Variants in NREP observed in about 807,000 individuals in gnomAD.
NREP encodes neuronal regeneration related protein, also known as neuronal regeneration-related protein.
Under a neutral mutation model 8.6 loss-of-function variants are expected in NREP, and 5 were observed. The observed-to-expected ratio is 0.58, with a 90% CI of 0.30 to 1.22. The LOEUF is 1.22. Ranked by LOEUF, NREP falls within the 50% of genes most tolerant of loss-of-function variation. The pLI is 0.07. For synonymous variants in NREP, 27 were observed against 28.0 expected, an observed-to-expected ratio of 0.96 and a Z score of 0.11; for missense variants, 86 against 82.5, an observed-to-expected ratio of 1.04 and a Z score of -0.17.
chr5:111,953,820 G>C (rs1379390486), intron 2 of NREP, among the ~76,000 whole-genome samples: 2 of 152,074 alleles, frequency 1.3e-5, no homozygotes, highest in African/African-American at 4.8e-5. Context: ...TGAAGGACCA[G>C]TGTAGACAAA....
At chr5:111,877,847 T>C (rs533522492) in intron 2 of NREP, among the ~76,000 whole-genome samples, 1 of 152,270 alleles carries the variant, frequency 6.6e-6, no homozygotes, top group African/African-American at 2.4e-5. Flanking sequence ...GAGTTGGGTG[T>C]TCCCCCCTCA....
intron 2 of NREP, among the ~76,000 whole-genome samples, chr5:111,777,917 G>A (rs770892270): frequency 1.3e-5 from 2 of 152,088 alleles, no homozygotes; most frequent in African/African-American, 2.4e-5. Flanking sequence ...GAAATAGGTT[G>A]CTGATTGAGA....
chr5:111,939,970 CTCTT>C (rs1268116194), intron 2 of NREP: 3 of 152,078 alleles, frequency 2.0e-5, no homozygotes, highest in Non-Finnish European at 1.5e-5. Flanking sequence ...AGGAATCTGA[CTCTT>C]TATTTCCTGT....
chr5:111,955,908 A>C (rs79039933), intron 2 of NREP, among the ~76,000 whole-genome samples: 69 of 140,478 alleles, frequency 4.9e-4, no homozygotes, highest in African/African-American at 7.4e-4. Context: ...GTGAAAAAAA[A>C]AAAAACAAAA....
chr5:111,924,780 T>C, intron 2 of NREP, among the ~76,000 whole-genome samples: 1 of 152,140 alleles, frequency 6.6e-6, no homozygotes. Context: ...TAAGATGTAT[T>C]TGGACCAGTA....
intron 2 of NREP, among the ~76,000 whole-genome samples, chr5:111,750,576 A>G (rs3822667): frequency 0.19 from 29,160 of 152,168 alleles, 3,657 homozygotes; most frequent in African/African-American, 0.34. Flanking sequence ...CCTTCTTAAT[A>G]TAAGTTTTCC....
intron 2 of NREP, among the ~76,000 whole-genome samples, chr5:111,920,483 C>G (rs1161910253): frequency 1.3e-5 from 2 of 152,040 alleles, no homozygotes; most frequent in Non-Finnish European, 2.9e-5. Context: ...AGCCGAAGTT[C>G]TTAGTCTTGC....
At chr5:111,946,137 A>G (rs1054407458) in intron 2 of NREP, among the ~76,000 whole-genome samples, 3 of 151,752 alleles carry the variant, frequency 2.0e-5, no homozygotes, top group African/African-American at 7.3e-5. Flanking sequence ...AGTGAGCAGG[A>G]TAATCTAATA....
At chr5:111,901,480 C>T (rs1195384623) in intron 2 of NREP, among the ~76,000 whole-genome samples, 1 of 151,978 alleles carries the variant, frequency 6.6e-6, no homozygotes, top group African/African-American at 2.4e-5. Flanking sequence ...CTAGACACAG[C>T]CAGGCAAGAG....
intron 2 of NREP, among the ~76,000 whole-genome samples, chr5:111,798,328 T>G (rs1265803828): frequency 2.0e-5 from 3 of 152,196 alleles, no homozygotes; most frequent in Non-Finnish European, 4.4e-5. Flanking sequence ...TTCATAACTT[T>G]GTCTATAATT....
chr5:111,891,998 T>G (rs916790155), intron 2 of NREP, among the ~76,000 whole-genome samples: 1 of 152,022 alleles, frequency 6.6e-6, no homozygotes, highest in Non-Finnish European at 1.5e-5. Flanking sequence ...AATGTAGAAG[T>G]AGAGGAGTGA....
chr5:111,970,276 T>C (rs1756773333), intron 2 of NREP, among the ~76,000 whole-genome samples: 1 of 152,180 alleles, frequency 6.6e-6, no homozygotes, highest in Non-Finnish European at 1.5e-5. Flanking sequence ...AAAATAAACA[T>C]ATCTGCTTAC....
chr5:111,964,855 C>CAAAAAAAAAAAAAAAAAAAAAAAAAAAA (rs58877839), intron 2 of NREP, among the ~76,000 whole-genome samples: 8 of 44,886 alleles, frequency 1.8e-4, no homozygotes, highest in African/African-American at 2.5e-4. Flanking sequence ...CTTTCAGCAG[C>CAAAAAAAAAAAAAAAAAAAAAAAAAAAA]AAAAAAAAAA....
At chr5:111,805,523 T>C (rs542708181) in intron 2 of NREP, among the ~76,000 whole-genome samples, 2 of 152,250 alleles carry the variant, frequency 1.3e-5, no homozygotes, top group Non-Finnish European at 2.9e-5. Flanking sequence ...GATATGGAGT[T>C]ATTATCACAA....
At chr5:111,890,833 G>C (rs952809739) in intron 2 of NREP, among the ~76,000 whole-genome samples, 8 of 152,206 alleles carry the variant, frequency 5.3e-5, no homozygotes, top group Non-Finnish European at 8.8e-5. Flanking sequence ...TTCCCTGCTA[G>C]GCCTCCAGGC....
At chr5:111,887,018 G>A (rs879628528) in intron 2 of NREP, among the ~76,000 whole-genome samples, 3 of 151,616 alleles carry the variant, frequency 2.0e-5, no homozygotes, top group Admixed American at 1.3e-4. Context: ...AAACATCCCA[G>A]GCTCAAGTGA....
At chr5:111,866,236 T>G in intron 2 of NREP, among the ~76,000 whole-genome samples, 2 of 152,072 alleles carry the variant, frequency 1.3e-5, no homozygotes, top group Middle Eastern at 3.4e-3. Flanking sequence ...GGGAGAAAAT[T>G]TTTGCAACCT....
chr5:111,849,596 TTAG>T (rs1330342003), intron 2 of NREP, among the ~76,000 whole-genome samples: 1 of 152,118 alleles, frequency 6.6e-6, no homozygotes, highest in Non-Finnish European at 1.5e-5. Flanking sequence ...ATAGGCTTTT[TTAG>T]TAGCCAACAG....
intron 2 of NREP, among the ~76,000 whole-genome samples, chr5:111,765,530 C>G (rs1480268660): frequency 6.6e-6 from 1 of 152,214 alleles, no homozygotes. Context: ...TCATCAGTAT[C>G]CTTACTTCAC....
Sources: gnomAD v4.1 joint callset for allele counts (sites outside exome capture counted in the v4.1 genomes callset) on GRCh38, gnomAD v4.1.1 for gene constraint, MANE v1.5 for transcripts, NCBI Gene and HGNC (gene_info 2026-07-23, HGNC 2026-07-21) for gene names.